ZNF138: variants seen among roughly 807,000 people sequenced by gnomAD.
The protein encoded by ZNF138 is zinc finger protein 138 (clone pHZ-32).
A neutral mutation model predicts 33.0 loss-of-function variants in ZNF138; 33 were observed. The ratio of observed to expected loss-of-function variants is 1.00; its 90% CI spans 0.76 to 1.34. The LOEUF is 1.34. Among genes scored for constraint, ZNF138 ranks in the 40% most tolerant of loss-of-function variants. ZNF138 has a pLI of 0.00. For missense variants in ZNF138, 360 were observed against 370.8 expected (o/e 0.97, Z 0.24); for synonymous variants, 139 against 120.4 (o/e 1.15, Z -1.01).
intron 3 of ZNF138, chr7:64,831,053 C>G: frequency 6.4e-7 from 1 of 1,551,724 alleles, no homozygotes; most frequent in African/African-American, 1.4e-5. Flanking sequence ...TCTGCAAAAG[C>G]ACCTAGAAGC....
intron 1 of ZNF138, among the ~76,000 whole-genome samples, chr7:64,794,862 G>T (rs1459808449): frequency 3.3e-5 from 5 of 152,184 alleles, no homozygotes; most frequent in Non-Finnish European, 7.3e-5. Context: ...CGGGAGGGTC[G>T]TCAGGGGAGA....
intron 1 of ZNF138, among the ~76,000 whole-genome samples, chr7:64,802,059 TGGTTTTATATATTTTAG>T (rs1276796942): frequency 6.6e-6 from 1 of 152,110 alleles, no homozygotes; most frequent in African/African-American, 2.4e-5. Flanking sequence ...GGTTACAGCT[TGGTTTTATATATTTTAG>T]GGAGACATGA....
chr7:64,854,521 G>A, the ZNF138 span, among the ~76,000 whole-genome samples: 45 of 152,320 alleles, frequency 3.0e-4, no homozygotes, highest in African/African-American at 1.0e-3. Flanking sequence ...GATTATAGGC[G>A]TGAGCCATCA....
chr7:64,797,667 A>G (rs886323330), intron 1 of ZNF138, among the ~76,000 whole-genome samples: 2 of 152,202 alleles, frequency 1.3e-5, no homozygotes, highest in Non-Finnish European at 2.9e-5. Context: ...TGCAGTAAAC[A>G]TTAAGATGGA....
intron 1 of ZNF138, among the ~76,000 whole-genome samples, chr7:64,798,903 G>A (rs1786913550): frequency 7.0e-6 from 1 of 143,358 alleles, no homozygotes; most frequent in African/African-American, 2.6e-5. Flanking sequence ...ATTGTTCTAT[G>A]AGCCTTTTTT....
the ZNF138 span, among the ~76,000 whole-genome samples, chr7:64,846,118 T>C: frequency 6.6e-6 from 1 of 152,212 alleles, no homozygotes; most frequent in Non-Finnish European, 1.5e-5. Flanking sequence ...TCCGTTGGCC[T>C]ACGTGCCTGT....
chr7:64,831,180 G>A (rs1025601815), intron 3 of ZNF138: 66 of 1,442,552 alleles, frequency 4.6e-5, no homozygotes, highest in Admixed American at 2.5e-4. Flanking sequence ...AGCTGTGTTG[G>A]GTAAATGTAA....
chr7:64,827,152 G>C (rs1427942179), intron 3 of ZNF138, among the ~76,000 whole-genome samples: 1 of 151,376 alleles, frequency 6.6e-6, no homozygotes, highest in Non-Finnish European at 1.5e-5. Flanking sequence ...ATGTTGCTCA[G>C]GCTGATCTTC....
At chr7:64,811,664 G>C (rs1788187900) in intron 1 of ZNF138, among the ~76,000 whole-genome samples, 1 of 152,140 alleles carries the variant, frequency 6.6e-6, no homozygotes, top group African/African-American at 2.4e-5. Context: ...CCTTCTGTTT[G>C]TTCTGTAAAC....
chr7:64,804,420 T>C (rs1439529739), intron 1 of ZNF138, among the ~76,000 whole-genome samples: 3 of 152,162 alleles, frequency 2.0e-5, no homozygotes, highest in Admixed American at 1.3e-4. Flanking sequence ...AGGAATTGCT[T>C]ACTCGGGGAG....
chr7:64,831,211 G>C, intron 3 of ZNF138: 1 of 1,272,558 alleles, frequency 7.9e-7, no homozygotes, highest in Non-Finnish European at 1.1e-6. Flanking sequence ...TCTCTCTTCT[G>C]TGTGGCTCTT....
At chr7:64,853,715 T>C in the ZNF138 span, among the ~76,000 whole-genome samples, 1 of 151,796 alleles carries the variant, frequency 6.6e-6, no homozygotes, top group East Asian at 1.9e-4. Flanking sequence ...AGCATATACA[T>C]ATCATATTAA....
At chr7:64,796,130 CAG>C (rs972260064) in intron 1 of ZNF138, among the ~76,000 whole-genome samples, 3 of 152,178 alleles carry the variant, frequency 2.0e-5, no homozygotes, top group Non-Finnish European at 4.4e-5. Context: ...GGGGAGAACA[CAG>C]AAATAATTTC....
At chr7:64,826,642 AT>A (rs979064383) in intron 3 of ZNF138, among the ~76,000 whole-genome samples, 2 of 147,918 alleles carry the variant, frequency 1.4e-5, no homozygotes, top group African/African-American at 5.0e-5. Context: ...TTTTTTTAAA[AT>A]TTTTTTTTAG....
At chr7:64,822,567 A>T (rs1380800528) in intron 3 of ZNF138, among the ~76,000 whole-genome samples, 2 of 151,538 alleles carry the variant, frequency 1.3e-5, no homozygotes, top group Non-Finnish European at 2.9e-5. Context: ...TTGTGTGCTC[A>T]TGGCAACTTT....
At chr7:64,849,400 A>G in the ZNF138 span, among the ~76,000 whole-genome samples, 2 of 152,124 alleles carry the variant, frequency 1.3e-5, no homozygotes, top group Admixed American at 6.5e-5. Context: ...TTAATGCACT[A>G]TTTTTGTACT....
At chr7:64,825,204 G>A (rs1341260568) in intron 3 of ZNF138, among the ~76,000 whole-genome samples, 4 of 107,612 alleles carry the variant, frequency 3.7e-5, no homozygotes, top group African/African-American at 1.1e-4. Flanking sequence ...ACGGAGTCTC[G>A]CACTGTCGCC....
intron 1 of ZNF138, among the ~76,000 whole-genome samples, chr7:64,808,653 A>G (rs1787813711): frequency 6.7e-6 from 1 of 150,158 alleles, no homozygotes; most frequent in Admixed American, 6.7e-5. Flanking sequence ...GGGATTTGGC[A>G]GGGTCATAGG....
intron 1 of ZNF138, among the ~76,000 whole-genome samples, chr7:64,798,223 G>A (rs1171032042): frequency 6.6e-6 from 1 of 152,202 alleles, no homozygotes; most frequent in East Asian, 1.9e-4. Context: ...TTACAGGCGT[G>A]AGCCACCACG....
Sources: allele counts gnomAD v4.1 joint callset (sites outside exome capture counted in the v4.1 genomes callset), GRCh38; gene constraint gnomAD v4.1.1; transcripts MANE v1.5; gene names NCBI Gene and HGNC (gene_info 2026-07-23, HGNC 2026-07-21).